The following RBFOX1 variants were observed in gnomAD, a reference collection of about 807,000 sequenced individuals.
RBFOX1 encodes RNA binding protein fox-1 homolog 1.
Under a neutral mutation model 57.7 loss-of-function variants are expected in RBFOX1, and 8 were observed. The observed-to-expected ratio is 0.14, with a 90% CI of 0.08 to 0.25. RBFOX1 has a LOEUF of 0.25. Among genes scored for constraint, RBFOX1 ranks in the 10% least tolerant of loss-of-function variants. The pLI, the probability that RBFOX1 is intolerant of heterozygous loss-of-function variation, is 1.00. For missense variants in RBFOX1, 611 were observed against 548.5 expected, an observed-to-expected ratio of 1.11 and a Z score of -1.14; for synonymous variants, 326 against 222.4, an observed-to-expected ratio of 1.47 and a Z score of -4.15.
intron 1 of RBFOX1, among the ~76,000 whole-genome samples, chr16:5,277,424 A>G (rs1043359455): frequency 2.6e-5 from 4 of 151,604 alleles, no homozygotes; most frequent in South Asian, 2.1e-4. Context: ...ACAAAATACC[A>G]CCTGTTCCCT....
At position 5,518,119 on chromosome 16, in the gene RBFOX1, C is replaced by G. The variant is rs554944171; in HGVS notation, c.258+50865C>G. On this transcript the variant is annotated intron_variant, in intron 2 of 2. Coordinates refer to the RBFOX1 transcript ENST00000585867. ...TTGTTGCTGTTATGCAGCTGCAAAG[C>G]TAAAACAAATTTATAAATTAAATGC... Among the ~76,000 whole-genome samples the G allele has an allele frequency of 2.0e-5, 3 of 152,192 alleles. No homozygotes were observed. In the East Asian group the frequency reaches 5.8e-4, roughly 29 times the overall value.
intron 2 of RBFOX1, among the ~76,000 whole-genome samples, chr16:6,613,113 A>G (rs964687176): frequency 6.6e-6 from 1 of 151,612 alleles, no homozygotes; most frequent in Non-Finnish European, 1.5e-5. Context: ...CCTGATTAAT[A>G]CTTTTGCACT....
chr16:6,835,015 C>T (rs1603630379), intron 3 of RBFOX1, among the ~76,000 whole-genome samples: 1 of 151,772 alleles, frequency 6.6e-6, no homozygotes. Context: ...GCCTCAGCCT[C>T]CTGAGTAGCT....
chr16:7,083,062 C>T (rs979552192), intron 4 of RBFOX1, among the ~76,000 whole-genome samples: 3 of 152,028 alleles, frequency 2.0e-5, no homozygotes, highest in Admixed American at 6.6e-5. Flanking sequence ...TTGGGAGTGA[C>T]AATAAATAGA....
At chr16:5,498,747 C>G (rs1356129668) in intron 2 of RBFOX1, among the ~76,000 whole-genome samples, 1 of 152,244 alleles carries the variant, frequency 6.6e-6, no homozygotes, top group Non-Finnish European at 1.5e-5. Context: ...GCAGTTGCAG[C>G]TTACACTGTA....
At chr16:6,010,120 G>A (rs1369382854) in intron 4 of RBFOX1, among the ~76,000 whole-genome samples, 1 of 152,048 alleles carries the variant, frequency 6.6e-6, no homozygotes. Context: ...AGGGTGCTGT[G>A]TTGCCCCACA....
At chr16:6,643,996 T>C (rs779878028) in intron 2 of RBFOX1, among the ~76,000 whole-genome samples, 1 of 152,062 alleles carries the variant, frequency 6.6e-6, no homozygotes, top group Non-Finnish European at 1.5e-5. Flanking sequence ...CGTGGTAGCA[T>C]GCACCTGTAA....
At chr16:6,293,301 C>T (rs1470799313) in intron 1 of RBFOX1, among the ~76,000 whole-genome samples, 1 of 152,154 alleles carries the variant, frequency 6.6e-6, no homozygotes, top group African/African-American at 2.4e-5. Flanking sequence ...AGTCTGCCTC[C>T]TTAAGTATTA....
chr16:7,113,422 C>G (rs771642182), intron 4 of RBFOX1, among the ~76,000 whole-genome samples: 1 of 152,166 alleles, frequency 6.6e-6, no homozygotes, highest in Non-Finnish European at 1.5e-5. Flanking sequence ...TTCTCATCTA[C>G]TTGCCATGTT....
chr16:6,384,246 C>T (rs928931874), intron 2 of RBFOX1, among the ~76,000 whole-genome samples: 2 of 152,132 alleles, frequency 1.3e-5, no homozygotes, highest in South Asian at 4.2e-4. Context: ...AGTGCTACCT[C>T]ATTTTTGACA....
intron 2 of RBFOX1, among the ~76,000 whole-genome samples, chr16:6,493,023 C>T (rs554325870): frequency 6.6e-6 from 1 of 152,194 alleles, no homozygotes; most frequent in South Asian, 2.1e-4. Context: ...CACCTTTATT[C>T]TTTGTGATTT....
chr16:6,995,810 G>T (rs888316589), intron 3 of RBFOX1, among the ~76,000 whole-genome samples: 3 of 152,068 alleles, frequency 2.0e-5, no homozygotes, highest in South Asian at 2.1e-4. Flanking sequence ...TGAGGTAAAA[G>T]CTAGAGGTAC....
At chr16:7,094,635 T>G (rs1599315939) in intron 4 of RBFOX1, among the ~76,000 whole-genome samples, 1 of 151,866 alleles carries the variant, frequency 6.6e-6, no homozygotes, top group Non-Finnish European at 1.5e-5. Flanking sequence ...GAAGTTTTTT[T>G]TTTTTTTTTT....
intron 3 of RBFOX1, among the ~76,000 whole-genome samples, chr16:5,632,268 A>G (rs1163708837): frequency 6.6e-6 from 1 of 152,234 alleles, no homozygotes; most frequent in Non-Finnish European, 1.5e-5. Flanking sequence ...GAGAGTAAGG[A>G]TGAATATGGG....
intron 2 of RBFOX1, among the ~76,000 whole-genome samples, chr16:6,590,186 A>C (rs990951909): frequency 2.0e-5 from 3 of 152,210 alleles, no homozygotes; most frequent in Non-Finnish European, 4.4e-5. Context: ...GGCATATTCA[A>C]ATTCTCCTTG....
At chr16:6,286,654 A>C (rs555729511) in intron 1 of RBFOX1, among the ~76,000 whole-genome samples, 26 of 152,182 alleles carry the variant, frequency 1.7e-4, no homozygotes, top group Non-Finnish European at 2.8e-4. Flanking sequence ...GACTCCGAGC[A>C]GAAGGTTACT....
intron 4 of RBFOX1, among the ~76,000 whole-genome samples, chr16:7,373,737 C>T (rs1371027686): frequency 6.6e-6 from 1 of 152,176 alleles, no homozygotes; most frequent in East Asian, 1.9e-4. Context: ...GATACAGGGG[C>T]CCAGCTCTTT....
At chr16:6,678,794 A>G (rs145476788) in intron 3 of RBFOX1, among the ~76,000 whole-genome samples, 1 of 152,114 alleles carries the variant, frequency 6.6e-6, no homozygotes, top group Non-Finnish European at 1.5e-5. Context: ...ATCACTTGCC[A>G]TGAATAGCTG....
At chr16:5,545,382 T>C (rs1208636990) in intron 2 of RBFOX1, among the ~76,000 whole-genome samples, 2 of 152,140 alleles carry the variant, frequency 1.3e-5, no homozygotes, top group Admixed American at 6.5e-5. Flanking sequence ...ATTGCCCTAA[T>C]AGCAAAACCT....
Sources: gnomAD v4.1 joint callset for allele counts (sites outside exome capture counted in the v4.1 genomes callset) on GRCh38, gnomAD v4.1.1 for gene constraint, MANE v1.5 for transcripts, NCBI Gene and HGNC (gene_info 2026-07-23, HGNC 2026-07-21) for gene names.